DYNC2H1: variants seen among roughly 807,000 people sequenced by gnomAD.
DYNC2H1 encodes the protein dynein cytoplasmic 2 heavy chain 1, also known as cytoplasmic dynein 2 heavy chain 1.
Under a neutral mutation model 570.0 loss-of-function variants are expected in DYNC2H1, and 410 were observed. The observed-to-expected ratio is 0.72, with a 90% CI of 0.66 to 0.78. The LOEUF is 0.78. Among genes scored for constraint, DYNC2H1 ranks in the 30% least tolerant of loss-of-function variants. The pLI is 0.00. For synonymous variants in DYNC2H1, 1,688 were observed against 1,677.6 expected, an observed-to-expected ratio of 1.01 and a Z score of -0.15; for missense variants, 4,865 against 5,046.4, an observed-to-expected ratio of 0.96 and a Z score of 1.09.
chr11:103,147,799 T>A lies in DYNC2H1; in HGVS notation c.2730T>A (p.Ile910=), dbSNP rs769955286. The change falls in exon 19 of 89, where the codon ATT becomes ATA. Residue 910 remains isoleucine (I), a synonymous_variant. Transcript: ENST00000375735. ...CTGTCAAGGTAGATTGTTTAAATATTAATTGCAACCCTGTGAAGACTGTGA... is the reference window on the plus strand; with the variant it reads ...CTGTCAAGGTAGATTGTTTAAATATAAATTGCAACCCTGTGAAGACTGTGA... The part of the protein sequence containing the change: ...PSAVKVDCLN[I]NCNPVKTVID... 6.2e-7 allele frequency: 1 copy of A among 1,609,084 alleles called. No individual in the cohort carries two copies. The highest frequency in any genetic ancestry group is 8.5e-7 in the Non-Finnish European group (1 of 1,178,360).
At chr11:103,153,590 T>G in intron 22 of DYNC2H1, 82 bp downstream of exon 22, 1 of 1,216,400 alleles carries the variant, frequency 8.2e-7, no homozygotes, top group Non-Finnish European at 1.1e-6. Flanking sequence ...TTATGTCTGT[T>G]ATCTTGATAA....
intron 71 of DYNC2H1, among the ~76,000 whole-genome samples, chr11:103,281,508 A>G (rs1467247789): frequency 6.6e-6 from 1 of 151,872 alleles, no homozygotes; most frequent in African/African-American, 2.4e-5. Context: ...GTGTGTGGCC[A>G]GGGTGAGTGA....
intron 86 of DYNC2H1, 110 bp from the exon 87 acceptor site, chr11:103,456,165 A>G (rs1279983449): frequency 3.9e-6 from 3 of 769,360 alleles, no homozygotes; most frequent in African/African-American, 1.8e-5. Flanking sequence ...TATTATTTAC[A>G]CATGGTAAAT....
intron 66 of DYNC2H1, among the ~76,000 whole-genome samples, chr11:103,253,754 AT>A (rs1342547408): frequency 3.3e-5 from 5 of 152,102 alleles, no homozygotes; most frequent in Admixed American, 3.3e-4. Context: ...TCTGCATTAT[AT>A]TTTTGGTTTG....
intron 50 of DYNC2H1, 82 bp downstream of exon 50, chr11:103,200,236 ATTTG>A (rs1162128189): frequency 9.0e-7 from 1 of 1,113,294 alleles, no homozygotes; most frequent in African/African-American, 1.6e-5. Flanking sequence ...TGCAAAATTT[ATTTG>A]TTTTGGAGAA....
At chr11:103,248,037 A>G (rs1864683276) in intron 65 of DYNC2H1, among the ~76,000 whole-genome samples, 1 of 152,036 alleles carries the variant, frequency 6.6e-6, no homozygotes, top group Non-Finnish European at 1.5e-5. Context: ...TGAAATTTCC[A>G]GGTATGGAAC....
intron 73 of DYNC2H1, among the ~76,000 whole-genome samples, chr11:103,285,491 C>T (rs888241139): frequency 1.7e-4 from 25 of 144,516 alleles, no homozygotes; most frequent in South Asian, 1.5e-3. Flanking sequence ...GGCGTGATCT[C>T]GGCTCACTGC....
Position 103,253,329 on chromosome 11 carries a change from A to C in DYNC2H1, c.10087A>C (p.Asn3363His), listed in dbSNP as rs749280074. The C allele has an allele frequency of 2.5e-6, 4 of 1,613,362 alleles. No homozygotes were observed. Among genetic ancestry groups the C allele is most frequent in the Non-Finnish European group, 3.4e-6 (4 of 1,179,516 alleles). Residue 3363 changes from asparagine (N) to histidine (H), a missense_variant, in exon 66 of 89, where the codon AAT (asparagine) becomes CAT (histidine). Around this residue, in one of 5 missense-constraint regions of DYNC2H1, gnomAD observed 2,401 missense variants for 2,454.6 expected, o/e 0.98. Transcript: ENST00000375735. Reference sequence around the variant, plus strand: ...AATAGGTGACAAAATTATTGACTACAATGAAGAATTCCGCCTCTTTTTGTC... The same window carrying C: ...AATAGGTGACAAAATTATTGACTACCATGAAGAATTCCGCCTCTTTTTGTC... The part of the protein sequence containing the change: ...VQIGDKIIDY[N>H]EEFRLFLSTR...
chr11:103,233,943 G>T, intron 60 of DYNC2H1, 91 bp from the exon 61 acceptor site: 47 of 1,142,312 alleles, frequency 4.1e-5, no homozygotes, highest in East Asian at 2.1e-4. Flanking sequence ...TTAAATTATG[G>T]CATAAAAGTT....
At chr11:103,462,457 C>A (rs888047391) in intron 87 of DYNC2H1, among the ~76,000 whole-genome samples, 2 of 152,072 alleles carry the variant, frequency 1.3e-5, no homozygotes, top group African/African-American at 4.8e-5. Context: ...AGCCTCATTC[C>A]TCATGTAAAG....
intron 15 of DYNC2H1, among the ~76,000 whole-genome samples, chr11:103,134,809 T>A (rs1411487053): frequency 6.6e-6 from 1 of 152,088 alleles, no homozygotes; most frequent in Non-Finnish European, 1.5e-5. Flanking sequence ...TTTTCCTTTT[T>A]GGAGGTAAAA....
Position 103,254,657 on chromosome 11 carries a change from T to G in DYNC2H1, c.10207-758T>G, listed in dbSNP as rs993709085. 6.6e-6 allele frequency among the ~76,000 whole-genome samples: 1 copy of G among 152,186 alleles called. No homozygotes were observed. The highest frequency in any genetic ancestry group is 1.5e-5 in the Non-Finnish European group (1 of 68,014). On this transcript the variant is annotated intron_variant, in intron 66 of 88. Coordinates refer to ENST00000375735, the MANE Select transcript of DYNC2H1 (RefSeq NM_001377.3). The surrounding 1 kb of genome is among the most constrained non-coding windows in gnomAD (Gnocchi z 4.9). ...TATAGGAGGGTTCCGCTTTTTTCCA[T>G]ATCCTTGCCAACTCTGGTTGTTATG...
At chr11:103,322,578 T>A (rs187342593) in intron 81 of DYNC2H1, among the ~76,000 whole-genome samples, 25 of 152,274 alleles carry the variant, frequency 1.6e-4, no homozygotes, top group Non-Finnish European at 3.2e-4. Flanking sequence ...ATATATATAT[T>A]TTTATGTACA....
chr11:103,114,212 T>C lies in DYNC2H1; in HGVS notation c.476T>C (p.Leu159Ser), dbSNP rs201510850. The change falls in exon 3 of 89, where the codon TTG (leucine) becomes TCG (serine). Residue 159 changes from leucine to serine, a missense_variant. By Grantham distance (145) the Leu-to-Ser change is moderately radical (BLOSUM62 -2). Around this residue, in one of 5 missense-constraint regions of DYNC2H1, gnomAD observed 1,936 missense variants for 1,962.1 expected, o/e 0.99. Transcript: ENST00000375735. ...AGATCAGACACTAACTTAACAAAATTGAAATTTAAGGAAGATGACACACGA... is the reference window on the plus strand; with the variant it reads ...AGATCAGACACTAACTTAACAAAATCGAAATTTAAGGAAGATGACACACGA... ...LRRSDTNLTK[L>S]KFKEDDTRGI... is the part of the protein sequence containing the mutation. 1.1e-4 allele frequency: 183 copies of C among 1,596,590 alleles called. No homozygotes were observed. In the African/African-American group the frequency reaches 2.2e-3, roughly 19 times the overall value.
chr11:103,244,687 T>G lies in DYNC2H1; in HGVS notation c.9919-564T>G, dbSNP rs7930166. ...TATAAGTACTATATATCTATGGTTA[T>G]AGTTATATACATATATCACTATACT... On this transcript the variant is annotated intron_variant, in intron 64 of 88. Coordinates refer to ENST00000375735, the MANE Select transcript of DYNC2H1 (RefSeq NM_001377.3). The surrounding 1 kb of genome is among the most constrained non-coding windows in gnomAD (Gnocchi z 4.3). 0.039 allele frequency among the ~76,000 whole-genome samples: 5,711 copies of G among 148,214 alleles called. 363 individuals carry two copies. The highest frequency in any genetic ancestry group is 0.13 in the African/African-American group (5,427 of 40,836).
chr11:103,360,203 C>A (rs1048593777), intron 83 of DYNC2H1, among the ~76,000 whole-genome samples: 1 of 151,620 alleles, frequency 6.6e-6, no homozygotes, highest in South Asian at 2.1e-4. Flanking sequence ...TCATAATTTC[C>A]CCTAAAATAA....
At chr11:103,368,829 A>G (rs1049801031) in intron 83 of DYNC2H1, among the ~76,000 whole-genome samples, 8 of 152,116 alleles carry the variant, frequency 5.3e-5, no homozygotes, top group African/African-American at 1.9e-4. Context: ...ATTTATTGAC[A>G]ATACTGTCTT....
intron 12 of DYNC2H1, among the ~76,000 whole-genome samples, chr11:103,125,739 G>T (rs191190151): frequency 2.1e-3 from 313 of 152,276 alleles, no homozygotes; most frequent in Non-Finnish European, 3.8e-3. Context: ...TCAGCTCACA[G>T]TCTAGCTCCA....
chr11:103,191,043 C>CT (rs10707667), intron 45 of DYNC2H1, among the ~76,000 whole-genome samples: 199 of 94,060 alleles, frequency 2.1e-3, no homozygotes, highest in African/African-American at 5.1e-3. Flanking sequence ...TTTTCTTTTT[C>CT]TTTTTTTTTT....
Sources: allele counts gnomAD v4.1 joint callset (sites outside exome capture counted in the v4.1 genomes callset), GRCh38; gene constraint gnomAD v4.1.1; regional missense constraint gnomAD v4.1.1; non-coding constraint Gnocchi (gnomAD v3.1); transcripts MANE v1.5; gene names NCBI Gene and HGNC (gene_info 2026-07-23, HGNC 2026-07-21).